LYPLAL1: variants seen among roughly 807,000 people sequenced by gnomAD.
LYPLAL1 encodes lysophospholipase-like protein 1.
A neutral mutation model predicts 19.7 loss-of-function variants in LYPLAL1; 23 were observed. That is an observed-to-expected ratio of 1.17 (90% confidence interval 0.84 to 1.65). LYPLAL1 has a LOEUF of 1.65. Among genes scored for constraint, LYPLAL1 ranks in the 40% most tolerant of loss-of-function variants. The probability of loss-of-function intolerance (pLI) is 0.00; values close to 1 mark genes in which losing one functional copy is unlikely to be tolerated. For synonymous variants in LYPLAL1, 119 were observed against 96.3 expected, an observed-to-expected ratio of 1.24 and a Z score of -1.38; for missense variants, 355 against 279.4, an observed-to-expected ratio of 1.27 and a Z score of -1.93.
the LYPLAL1 span, among the ~76,000 whole-genome samples, chr1:219,427,647 C>A: frequency 1.3e-5 from 2 of 152,122 alleles, no homozygotes; most frequent in Non-Finnish European, 2.9e-5. Context: ...GGAGGAGGAC[C>A]TCATCAACCT....
chr1:219,182,941 G>C (rs934873793), intron 2 of LYPLAL1, among the ~76,000 whole-genome samples: 4 of 152,030 alleles, frequency 2.6e-5, no homozygotes, highest in Non-Finnish European at 5.9e-5. Flanking sequence ...ACCCAAGCCA[G>C]TATTTATAGA....
the LYPLAL1 span, among the ~76,000 whole-genome samples, chr1:219,265,281 C>G: frequency 6.6e-6 from 1 of 152,134 alleles, no homozygotes; most frequent in African/African-American, 2.4e-5. Context: ...ATAATAAAGG[C>G]TTATTACATT....
At chr1:219,290,786 G>A in the LYPLAL1 span, among the ~76,000 whole-genome samples, 1 of 152,196 alleles carries the variant, frequency 6.6e-6, no homozygotes, top group South Asian at 2.1e-4. Context: ...TCTGGATTGG[G>A]ACCCCTAACA....
the LYPLAL1 span, among the ~76,000 whole-genome samples, chr1:219,385,804 G>A: frequency 6.6e-6 from 1 of 152,144 alleles, no homozygotes; most frequent in Non-Finnish European, 1.5e-5. Flanking sequence ...TTGCCAACCT[G>A]TATAAATTAC....
chr1:219,296,349 C>T, the LYPLAL1 span, among the ~76,000 whole-genome samples: 2 of 152,106 alleles, frequency 1.3e-5, no homozygotes, highest in Non-Finnish European at 2.9e-5. Flanking sequence ...GGTTCTGCAC[C>T]TGAATAAACG....
At chr1:219,416,344 G>C in the LYPLAL1 span, among the ~76,000 whole-genome samples, 1 of 152,108 alleles carries the variant, frequency 6.6e-6, no homozygotes, top group Non-Finnish European at 1.5e-5. Context: ...GATTTTTGTA[G>C]AATGTCCCTC....
chr1:219,298,852 A>T, the LYPLAL1 span, among the ~76,000 whole-genome samples: 1 of 152,212 alleles, frequency 6.6e-6, no homozygotes. Context: ...AGGAATTTTT[A>T]TCTGGAAGAG....
At chr1:219,287,063 G>A in the LYPLAL1 span, among the ~76,000 whole-genome samples, 1 of 152,136 alleles carries the variant, frequency 6.6e-6, no homozygotes, top group Non-Finnish European at 1.5e-5. Context: ...TACTCAGCTA[G>A]GTTAGTTCAT....
the LYPLAL1 span, among the ~76,000 whole-genome samples, chr1:219,307,023 CATATATATATATATATATGT>C: frequency 4.2e-4 from 50 of 119,392 alleles, no homozygotes; most frequent in South Asian, 7.8e-3. Context: ...TATACACATA[CATATATATATATATATATGT>C]ATATATATAT....
chr1:219,343,101 T>C, the LYPLAL1 span, among the ~76,000 whole-genome samples: 1 of 152,202 alleles, frequency 6.6e-6, no homozygotes, highest in Non-Finnish European at 1.5e-5. Flanking sequence ...AGCTGGAGCA[T>C]CTGTAATATG....
chr1:219,287,836 A>T, the LYPLAL1 span, among the ~76,000 whole-genome samples: 7 of 152,084 alleles, frequency 4.6e-5, no homozygotes, highest in Non-Finnish European at 8.8e-5. Context: ...TGTTTTTGTG[A>T]TAGAGTTCTC....
the LYPLAL1 span, among the ~76,000 whole-genome samples, chr1:219,314,326 T>C: frequency 2.6e-5 from 4 of 152,266 alleles, no homozygotes; most frequent in East Asian, 3.8e-4. Context: ...TTATATTCCT[T>C]TGGGCATATA....
At chr1:219,358,090 A>G in the LYPLAL1 span, among the ~76,000 whole-genome samples, 1 of 152,182 alleles carries the variant, frequency 6.6e-6, no homozygotes, top group Non-Finnish European at 1.5e-5. Flanking sequence ...ACATGACATG[A>G]TGCTATTGAC....
At chr1:219,241,130 C>CTA in the LYPLAL1 span, among the ~76,000 whole-genome samples, 185 of 71,070 alleles carry the variant, frequency 2.6e-3, 3 homozygotes, top group Middle Eastern at 0.022. Context: ...CTCTCTCTCT[C>CTA]TCTCTATATA....
the LYPLAL1 span, among the ~76,000 whole-genome samples, chr1:219,383,422 T>C: frequency 1.3e-5 from 2 of 152,250 alleles, no homozygotes; most frequent in African/African-American, 2.4e-5. Flanking sequence ...GGGCTGGTCA[T>C]TGTGCTTCCT....
At chr1:219,208,258 G>A (rs962688925) in intron 3 of LYPLAL1, among the ~76,000 whole-genome samples, 2 of 151,968 alleles carry the variant, frequency 1.3e-5, no homozygotes, top group Non-Finnish European at 2.9e-5. Flanking sequence ...AAAAGTTCTC[G>A]CAATTTTAGT....
the LYPLAL1 span, among the ~76,000 whole-genome samples, chr1:219,268,063 C>T: frequency 6.6e-6 from 1 of 152,160 alleles, no homozygotes; most frequent in Admixed American, 6.6e-5. Flanking sequence ...TAAGCACTTA[C>T]TATGTGTTAG....
At chr1:219,227,219 C>G in the LYPLAL1 span, among the ~76,000 whole-genome samples, 12 of 152,180 alleles carry the variant, frequency 7.9e-5, no homozygotes, top group African/African-American at 2.9e-4. Flanking sequence ...AGTTTACATT[C>G]TAGTAGCACA....
At chr1:219,296,025 T>C in the LYPLAL1 span, among the ~76,000 whole-genome samples, 1 of 152,194 alleles carries the variant, frequency 6.6e-6, no homozygotes, top group Admixed American at 6.5e-5. Context: ...ATTTCTCTCA[T>C]TGGCACATAG....
Sources: gnomAD v4.1 joint callset for allele counts (sites outside exome capture counted in the v4.1 genomes callset) on GRCh38, gnomAD v4.1.1 for gene constraint, MANE v1.5 for transcripts, NCBI Gene and HGNC (gene_info 2026-07-23, HGNC 2026-07-21) for gene names.